Variants in RAPSN observed in about 807,000 individuals in gnomAD.
The protein encoded by RAPSN is 43 kDa receptor-associated protein of the synapse.
Under a neutral mutation model 45.7 loss-of-function variants are expected in RAPSN, and 33 were observed. The observed-to-expected ratio is 0.72, with a 90% CI of 0.55 to 0.97. The LOEUF is 0.97. Ranked by LOEUF, RAPSN falls within the 50% of genes least tolerant of loss-of-function variation. The pLI, the probability that RAPSN is intolerant of heterozygous loss-of-function variation, is 0.00. For synonymous variants in RAPSN, 244 were observed against 233.6 expected, an observed-to-expected ratio of 1.04 and a Z score of -0.40; for missense variants, 519 against 559.4, an observed-to-expected ratio of 0.93 and a Z score of 0.73.
Position 47,441,153 on chromosome 11 carries a change from T to A in RAPSN, c.966+6A>T. 1 of 1,613,996 alleles carries A rather than the reference T, an allele frequency of 6.2e-7. No homozygotes were observed. Among genetic ancestry groups the A allele is most frequent in the Non-Finnish European group, 8.5e-7 (1 of 1,179,972 alleles). On this transcript the variant is annotated splice_donor_region_variant and intron_variant, in intron 6 of 7. Coordinates refer to ENST00000298854, the MANE Select transcript of RAPSN (RefSeq NM_005055.5). ...CCCAGATCCAGGACACAGAATCAAG[T>A]CTGACCTTGTTCCCCACCTCCTCGG... is the stretch of plus-strand genomic sequence containing the variant.
At position 47,438,714 on chromosome 11, in the gene RAPSN, C is replaced by G. The variant is rs536788411; in HGVS notation, c.1166+18G>C. The G allele has an allele frequency of 4.5e-6, 7 of 1,554,532 alleles. No homozygotes were observed. Among genetic ancestry groups the G allele is most frequent in the Non-Finnish European group, 6.1e-6 (7 of 1,147,492 alleles). ...AGAGATCCTGCCCACCCCTGTCCAC[C>G]CCCCCAGGAGCCCCCACCTGAGGTG... On this transcript the variant is annotated intron_variant, in intron 7 of 7. Coordinates refer to ENST00000298854, the MANE Select transcript of RAPSN (RefSeq NM_005055.5).
At chr11:47,444,998 T>C (rs1017523460) in intron 2 of RAPSN, among the ~76,000 whole-genome samples, 1 of 150,460 alleles carries the variant, frequency 6.6e-6, no homozygotes, top group African/African-American at 2.5e-5. Context: ...CCAAGGCGGG[T>C]GGACTACAAG....
chr11:47,441,241 G>A (rs1053970441), intron 5 of RAPSN, 29 bp from the exon 6 acceptor site: 25 of 1,611,942 alleles, frequency 1.6e-5, no homozygotes, highest in East Asian at 2.2e-5. Context: ...CCAGGGCTGC[G>A]GGCAGAGCTG....
intron 1 of RAPSN, 76 bp from the exon 2 acceptor site, chr11:47,448,226 C>G: frequency 1.4e-6 from 2 of 1,474,660 alleles, no homozygotes; most frequent in Non-Finnish European, 1.9e-6. Context: ...ACTGCAGGCT[C>G]AGACCTGGAG....
At chr11:47,439,481 A>T (rs1046299653) in intron 6 of RAPSN, among the ~76,000 whole-genome samples, 1 of 152,156 alleles carries the variant, frequency 6.6e-6, no homozygotes, top group African/African-American at 2.4e-5. Context: ...TCTCAAAAAA[A>T]AATAATAATT....
At position 47,447,909 on chromosome 11, in the gene RAPSN, C is replaced by T; in HGVS notation, c.434G>A (p.Ser145Asn). 7 of 1,613,342 alleles carry T rather than the reference C, an allele frequency of 4.3e-6. No homozygotes were observed. The change falls in exon 2 of 8, where the codon AGC becomes AAC. Residue 145 changes from serine to asparagine, a missense_variant. Ser to Asn is a conservative substitution (Grantham distance 46). Transcript: ENST00000298854. ...GLSVFQKALE[S>N]FEKALRYAHN... is the part of the protein sequence containing the mutation. Reference sequence around the variant, plus strand: ...GGCATAGCGCAGGGCCTTCTCGAAGCTCTCCAGGGCCTTCTGGAAGACGCT... The same window carrying T: ...GGCATAGCGCAGGGCCTTCTCGAAGTTCTCCAGGGCCTTCTGGAAGACGCT...
At chr11:47,447,018 C>T (rs544892098) in intron 2 of RAPSN, among the ~76,000 whole-genome samples, 10 of 152,274 alleles carry the variant, frequency 6.6e-5, no homozygotes, top group Admixed American at 2.0e-4. Flanking sequence ...ACCTGAGACA[C>T]GCCTGGCAGC....
At chr11:47,445,481 A>C (rs1305395858) in intron 2 of RAPSN, among the ~76,000 whole-genome samples, 1 of 150,332 alleles carries the variant, frequency 6.7e-6, no homozygotes, top group Non-Finnish European at 1.5e-5. Flanking sequence ...CGGTAGTCCC[A>C]GCTACTCGGG....
Position 47,437,916 on chromosome 11 carries a change from G to A in RAPSN, c.*59C>T. 6.5e-7 allele frequency: 1 copy of A among 1,543,280 alleles called. No individual in the cohort carries two copies. The highest frequency in any genetic ancestry group is 8.8e-7 in the Non-Finnish European group (1 of 1,139,816). ...TGCCCCAGGAGTAAATGGGCCTCTG[G>A]CGTGCAGTGGAGAAAGAGCAGGAGT... On this transcript the variant is annotated 3_prime_UTR_variant, in exon 8 of 8. Transcript: ENST00000298854.
chr11:47,447,713 T>C, intron 2 of RAPSN, 99 bp downstream of exon 2: 1 of 1,368,204 alleles, frequency 7.3e-7, no homozygotes, highest in Non-Finnish European at 1.0e-6. Context: ...CAGCCCTCCC[T>C]AAAAGGAGGG....
chr11:47,440,359 C>T (rs1320134696), intron 6 of RAPSN, among the ~76,000 whole-genome samples: 1 of 152,144 alleles, frequency 6.6e-6, no homozygotes, highest in African/African-American at 2.4e-5. Flanking sequence ...CTCACTGCAG[C>T]CTTGACCTCC....
chr11:47,441,364 TA>T, intron 5 of RAPSN, 152 bp from the exon 6 acceptor site: 1 of 1,213,556 alleles, frequency 8.2e-7, no homozygotes, highest in Non-Finnish European at 1.2e-6. Context: ...GGCACAGTCA[TA>T]GGGGCTGTGT....
chr11:47,446,462 T>C (rs2076407525), intron 2 of RAPSN, among the ~76,000 whole-genome samples: 1 of 152,164 alleles, frequency 6.6e-6, no homozygotes, highest in African/African-American at 2.4e-5. Context: ...CTGTCATCCT[T>C]GGTGACTCGT....
In RAPSN at chr11:47,442,639, C is replaced by T; in HGVS notation, c.690+17G>A. ...CACCACCTCATCCCCGACCTGCCCC[C>T]TTCCCCGCTGCCCCACCTCACAACA... On this transcript the variant is annotated intron_variant, in intron 3 of 7. Transcript: ENST00000298854. 6.2e-7 allele frequency: 1 copy of T among 1,613,494 alleles called. No individual in the cohort carries two copies.
At chr11:47,442,526 G>A in intron 3 of RAPSN, 130 bp downstream of exon 3, 3 of 1,056,418 alleles carry the variant, frequency 2.8e-6, no homozygotes, top group Non-Finnish European at 4.1e-6. Context: ...CTTTAGAGAG[G>A]CTGGGCCAGA....
chr11:47,448,625 G>C, intron 1 of RAPSN, 148 bp downstream of exon 1: 1 of 981,040 alleles, frequency 1.0e-6, no homozygotes, highest in Non-Finnish European at 1.5e-6. Flanking sequence ...AAGACCCAGG[G>C]CCTTAGATAT....
chr11:47,445,198 C>G (rs1325459702), intron 2 of RAPSN, among the ~76,000 whole-genome samples: 3 of 151,222 alleles, frequency 2.0e-5, no homozygotes, highest in East Asian at 3.9e-4. Context: ...CCACTGCACT[C>G]CAGCCTGGGT....
intron 2 of RAPSN, among the ~76,000 whole-genome samples, chr11:47,445,684 T>C (rs990705938): frequency 1.3e-5 from 2 of 151,944 alleles, no homozygotes; most frequent in African/African-American, 4.8e-5. Flanking sequence ...AATATTGGTA[T>C]TGTCTTTTGG....
At chr11:47,443,322 G>A (rs1478035993) in intron 2 of RAPSN, among the ~76,000 whole-genome samples, 1 of 152,168 alleles carries the variant, frequency 6.6e-6, no homozygotes, top group African/African-American at 2.4e-5. Context: ...GCAACCATTG[G>A]CTTGTACTTT....
Sources: gnomAD v4.1 joint callset for allele counts (sites outside exome capture counted in the v4.1 genomes callset) on GRCh38, gnomAD v4.1.1 for gene constraint, MANE v1.5 for transcripts, NCBI Gene and HGNC (gene_info 2026-07-23, HGNC 2026-07-21) for gene names.